The following NEK11 variants were observed in gnomAD, a reference collection of about 807,000 sequenced individuals.
NEK11 encodes NIMA related kinase 11, also known as serine/threonine-protein kinase Nek11.
NEK11 carries 72 observed loss-of-function variants against 80.7 expected under a neutral mutation model. The observed-to-expected ratio is 0.89, with a 90% CI of 0.74 to 1.08. NEK11 has a LOEUF of 1.08. NEK11 is among the 50% of genes least tolerant of loss of function. The pLI is 0.00. For missense variants in NEK11, 764 were observed against 763.6 expected (o/e 1.00, Z -0.01); for synonymous variants, 251 against 260.7 (o/e 0.96, Z 0.36).
chr3:131,168,945 T>G lies in NEK11; in HGVS notation c.1284+8T>G. 2.5e-6 allele frequency: 4 copies of G among 1,606,174 alleles called. No homozygotes were observed. The highest frequency in any genetic ancestry group is 3.4e-6 in the Non-Finnish European group (4 of 1,173,504). ...TGGCAAGGCAGGGAAGAGGCAAGTT[T>G]AATCATATTCACAAGCACAAAAGTG... On this transcript the variant is annotated splice_region_variant and intron_variant, in intron 13 of 17. Transcript: ENST00000383366.
At chr3:131,194,090 T>G (rs1465172851) in intron 14 of NEK11, among the ~76,000 whole-genome samples, 1 of 152,190 alleles carries the variant, frequency 6.6e-6, no homozygotes, top group African/African-American at 2.4e-5. Context: ...AGTGAAATGT[T>G]TTTCTGCCCC....
At chr3:131,276,464 A>ATCAC (rs1242547844) in intron 17 of NEK11, among the ~76,000 whole-genome samples, 2 of 152,324 alleles carry the variant, frequency 1.3e-5, no homozygotes, top group East Asian at 3.9e-4. Context: ...CCCCAAGTCA[A>ATCAC]TCAGACATTG....
chr3:131,130,060 A>T (rs2084147516), intron 5 of NEK11, among the ~76,000 whole-genome samples: 1 of 152,172 alleles, frequency 6.6e-6, no homozygotes, highest in Non-Finnish European at 1.5e-5. Flanking sequence ...CTACCTATCC[A>T]TGAACATGGA....
At chr3:131,079,898 G>T (rs1052534678) in intron 3 of NEK11, among the ~76,000 whole-genome samples, 3 of 152,116 alleles carry the variant, frequency 2.0e-5, no homozygotes, top group Non-Finnish European at 4.4e-5. Flanking sequence ...CTGTGAGTGT[G>T]TGTAAATACA....
chr3:131,140,591 A>G (rs560306382), intron 7 of NEK11, among the ~76,000 whole-genome samples: 1 of 152,308 alleles, frequency 6.6e-6, no homozygotes, highest in African/African-American at 2.4e-5. Flanking sequence ...GCAGGACTTC[A>G]TCAGGAGAAC....
At chr3:131,298,705 G>A (rs993541995) in intron 17 of NEK11, among the ~76,000 whole-genome samples, 2 of 151,838 alleles carry the variant, frequency 1.3e-5, no homozygotes, top group Non-Finnish European at 2.9e-5. Context: ...GGTGGTGGTG[G>A]TGGTGGTGGT....
intron 12 of NEK11, among the ~76,000 whole-genome samples, chr3:131,168,432 C>G (rs1232211738): frequency 6.7e-6 from 1 of 149,832 alleles, no homozygotes; most frequent in Admixed American, 6.7e-5. Context: ...TCTCGGCTCA[C>G]TGCAAGCTCC....
chr3:131,195,620 T>G (rs1429959265), intron 14 of NEK11, among the ~76,000 whole-genome samples: 2 of 152,008 alleles, frequency 1.3e-5, no homozygotes, highest in African/African-American at 2.4e-5. Context: ...TGCATACAGT[T>G]GTGCCTGCTG....
At chr3:131,084,109 T>G (rs944198732) in intron 4 of NEK11, among the ~76,000 whole-genome samples, 1 of 152,086 alleles carries the variant, frequency 6.6e-6, no homozygotes, top group Non-Finnish European at 1.5e-5. Flanking sequence ...ACAAAGCCTC[T>G]CATAAACTCG....
intron 13 of NEK11, among the ~76,000 whole-genome samples, 156 bp downstream of exon 13, chr3:131,169,093 A>G (rs1035103575): frequency 6.6e-6 from 1 of 152,212 alleles, no homozygotes; most frequent in Non-Finnish European, 1.5e-5. Flanking sequence ...GAAAAAGATG[A>G]AATAAATATA....
chr3:131,126,757 C>T (rs1462413912), intron 5 of NEK11, among the ~76,000 whole-genome samples: 1 of 151,932 alleles, frequency 6.6e-6, no homozygotes, highest in Admixed American at 6.6e-5. Flanking sequence ...TCTGAAAATA[C>T]CTCGTCATTC....
At chr3:131,198,598 C>T (rs762557681) in intron 14 of NEK11, among the ~76,000 whole-genome samples, 5 of 152,300 alleles carry the variant, frequency 3.3e-5, no homozygotes, top group South Asian at 2.1e-4. Context: ...CGCCAATACC[C>T]GTAAACAATG....
chr3:131,269,495 C>T (rs1486311260), intron 16 of NEK11, among the ~76,000 whole-genome samples: 3 of 152,184 alleles, frequency 2.0e-5, no homozygotes, highest in Non-Finnish European at 4.4e-5. Context: ...GGCACAGTCC[C>T]TCATGGCTTC....
rs764603444 is a variant in NEK11 at position 131,109,784 on chromosome 3, A to T, written c.337-19A>T. 3.2e-6 allele frequency: 5 copies of T among 1,574,798 alleles called. No individual in the cohort carries two copies. Among genetic ancestry groups the T allele is most frequent in the Non-Finnish European group, 4.3e-6 (5 of 1,167,556 alleles). Reference sequence around the variant, plus strand: ...CATATTAGCTGAAAAAATATGAAAGATTATGCTCTTCATTTCAGGGCCGAG... The same window carrying T: ...CATATTAGCTGAAAAAATATGAAAGTTTATGCTCTTCATTTCAGGGCCGAG... On this transcript the variant is annotated intron_variant, in intron 4 of 17. Transcript: ENST00000383366.
At chr3:131,316,729 C>G (rs767182480) in intron 17 of NEK11, among the ~76,000 whole-genome samples, 8 of 152,150 alleles carry the variant, frequency 5.3e-5, no homozygotes, top group Non-Finnish European at 8.8e-5. Flanking sequence ...CCTAGGCATG[C>G]CAGCATCCAA....
intron 17 of NEK11, among the ~76,000 whole-genome samples, chr3:131,305,413 G>A (rs2096712841): frequency 6.6e-6 from 1 of 152,088 alleles, no homozygotes; most frequent in African/African-American, 2.4e-5. Flanking sequence ...CATGGTGAGG[G>A]TGGGGCCCCA....
chr3:131,232,460 G>A (rs2095348784), intron 15 of NEK11, among the ~76,000 whole-genome samples: 1 of 152,090 alleles, frequency 6.6e-6, no homozygotes, highest in African/African-American at 2.4e-5. Flanking sequence ...AATCTTCCTC[G>A]GAAGGGCTTT....
intron 6 of NEK11, chr3:131,133,265 T>C (rs2084873825): frequency 2.2e-6 from 1 of 455,676 alleles, no homozygotes; most frequent in Admixed American, 2.4e-5. Context: ...ACTGTACCTC[T>C]CCTCATAACA....
intron 17 of NEK11, among the ~76,000 whole-genome samples, chr3:131,331,573 A>C (rs774035852): frequency 6.6e-6 from 1 of 152,216 alleles, no homozygotes; most frequent in Non-Finnish European, 1.5e-5. Context: ...CTGAGGTACC[A>C]GGTTCATCTC....
Sources: allele counts gnomAD v4.1 joint callset (sites outside exome capture counted in the v4.1 genomes callset), GRCh38; gene constraint gnomAD v4.1.1; transcripts MANE v1.5; gene names NCBI Gene and HGNC (gene_info 2026-07-23, HGNC 2026-07-21).